ZFPM2: variants seen among roughly 807,000 people sequenced by gnomAD.
ZFPM2 encodes the protein zinc finger protein, FOG family member 2, also known as zinc finger protein ZFPM2.
In ZFPM2, 20 loss-of-function variants were observed where a neutral mutation model predicts 98.6. The observed-to-expected ratio is 0.20, with a 90% CI of 0.14 to 0.29. The LOEUF is 0.29. Among genes scored for constraint, ZFPM2 ranks in the 10% least tolerant of loss-of-function variants. ZFPM2 has a pLI of 1.00. For synonymous variants in ZFPM2, 518 were observed against 502.7 expected (o/e 1.03, Z -0.41); for missense variants, 1,310 against 1,388.6 (o/e 0.94, Z 0.90).
intron 1 of ZFPM2, among the ~76,000 whole-genome samples, chr8:105,385,197 T>C (rs1810962191): frequency 6.6e-6 from 1 of 152,210 alleles, no homozygotes; most frequent in Non-Finnish European, 1.5e-5. Flanking sequence ...GCCTCATGCA[T>C]ATTTTGGAGG....
chr8:105,543,841 C>T (rs763390410), intron 3 of ZFPM2, among the ~76,000 whole-genome samples: 1 of 152,066 alleles, frequency 6.6e-6, no homozygotes, highest in African/African-American at 2.4e-5. Flanking sequence ...TGATACTTTC[C>T]GTCATGAACC....
intron 5 of ZFPM2, among the ~76,000 whole-genome samples, chr8:105,679,599 G>C (rs554343139): frequency 7.6e-4 from 116 of 152,000 alleles, no homozygotes; most frequent in Admixed American, 1.7e-3. Flanking sequence ...ATAAAAGCAA[G>C]TCTGAGCAAC....
rs550319696 is a variant in ZFPM2 at position 105,375,615 on chromosome 8, TGAG to T, written c.41-43528_41-43526del. Among the ~76,000 whole-genome samples, 20 of 152,270 alleles carry T rather than the reference TGAG, an allele frequency of 1.3e-4. 1 individual carries two copies. In the South Asian group the frequency reaches 3.7e-3, roughly 28 times the overall value. On this transcript the variant is annotated intron_variant, in intron 1 of 7. Coordinates refer to ENST00000407775, the MANE Select transcript of ZFPM2 (RefSeq NM_012082.4). ...GCAGATTAGAACTCCCTTCACCAGT[TGAG>T]TAGTGAAGATAGGAGTCTGTAAAGA...
Position 105,436,417 on chromosome 8 carries a change from G to A in ZFPM2, c.200-7863G>A, listed in dbSNP as rs112221517. 3.7e-4 allele frequency among the ~76,000 whole-genome samples: 56 copies of A among 151,682 alleles called. 1 individual carries two copies. The highest frequency in any genetic ancestry group is 1.4e-3 in the African/African-American group (56 of 41,272). On this transcript the variant is annotated intron_variant, in intron 2 of 7. Transcript: ENST00000407775. The stretch of plus-strand genomic sequence containing the variant: ...GCCTGTGGGCCCAGCTACTTGGGAA[G>A]GCTGAAGCAGGAGAATCGCTTGAGG...
At chr8:105,330,577 T>TACAC (rs1563606646) in intron 1 of ZFPM2, among the ~76,000 whole-genome samples, 1 of 101,322 alleles carries the variant, frequency 9.9e-6, no homozygotes, top group African/African-American at 4.4e-5. Flanking sequence ...TACATATATA[T>TACAC]ATACATATAT....
At chr8:105,701,030 G>A (rs2130956839) in intron 5 of ZFPM2, among the ~76,000 whole-genome samples, 1 of 152,158 alleles carries the variant, frequency 6.6e-6, no homozygotes, top group Non-Finnish European at 1.5e-5. Flanking sequence ...TGGTATTTTT[G>A]TTGGGATAAT....
chr8:105,372,796 A>G (rs1810649786), intron 1 of ZFPM2, among the ~76,000 whole-genome samples: 1 of 152,238 alleles, frequency 6.6e-6, no homozygotes, highest in African/African-American at 2.4e-5. Flanking sequence ...TAAGTAGGAA[A>G]GGAAAGCTCT....
intron 5 of ZFPM2, among the ~76,000 whole-genome samples, chr8:105,784,069 GTAATATCCTGTGGTTTGTTTCTAT>G (rs1813340456): frequency 6.6e-6 from 1 of 152,032 alleles, no homozygotes; most frequent in African/African-American, 2.4e-5. Flanking sequence ...AAAGCCAAAT[GTAATATCCTGTGGTTTGTTTCTAT>G]TAAACATAAG....
At chr8:105,797,687 C>T (rs1813874567) in intron 6 of ZFPM2, among the ~76,000 whole-genome samples, 1 of 152,246 alleles carries the variant, frequency 6.6e-6, no homozygotes, top group South Asian at 2.1e-4. Flanking sequence ...CCTGAGCTGC[C>T]CATTTGATCA....
chr8:105,365,372 A>G (rs537389522), intron 1 of ZFPM2, among the ~76,000 whole-genome samples: 1 of 152,234 alleles, frequency 6.6e-6, no homozygotes, highest in East Asian at 1.9e-4. Flanking sequence ...GAACCAGATA[A>G]AACTTCTTCC....
rs184774138 is a variant in ZFPM2 at position 105,714,244 on chromosome 8, A to G, written c.533-74474A>G. Among the ~76,000 whole-genome samples, 4 of 152,134 alleles carry G rather than the reference A, an allele frequency of 2.6e-5. No individual in the cohort carries two copies. In the East Asian group the frequency reaches 5.8e-4, roughly 22 times the overall value. On this transcript the variant is annotated intron_variant, in intron 5 of 7. Coordinates refer to ENST00000407775, the MANE Select transcript of ZFPM2 (RefSeq NM_012082.4). ...GGGTTGCAATTGTAAATAAGATTGC[A>G]TTCTTGATTTGGCTCTCAGCTTGAA...
At chr8:105,684,093 T>G (rs772620007) in intron 5 of ZFPM2, among the ~76,000 whole-genome samples, 1 of 152,166 alleles carries the variant, frequency 6.6e-6, no homozygotes. Context: ...TTGATGCGCT[T>G]ATTCCTCTTA....
chr8:105,413,482 T>TTATATA lies in ZFPM2; in HGVS notation c.41-5641_41-5636dup, dbSNP rs200856542. 5.1e-3 allele frequency among the ~76,000 whole-genome samples: 718 copies of TTATATA among 139,976 alleles called. 9 individuals are homozygous for TTATATA. The highest frequency in any genetic ancestry group is 0.016 in the African/African-American group (602 of 38,002). 91.8% of individuals were successfully genotyped at this position (139,976 alleles called of 152,430 possible). Reference sequence around the variant, plus strand: ...CGATTATGATGTCACAATTCAAACATTATATATATATATATATATATATAT... The same window carrying TTATATA: ...CGATTATGATGTCACAATTCAAACATTATATATATATATATATATATATATATATAT... On this transcript the variant is annotated intron_variant, in intron 1 of 7. Coordinates refer to ENST00000407775, the MANE Select transcript of ZFPM2 (RefSeq NM_012082.4).
chr8:105,435,825 A>G (rs1812108551), intron 2 of ZFPM2, among the ~76,000 whole-genome samples: 1 of 152,214 alleles, frequency 6.6e-6, no homozygotes, highest in South Asian at 2.1e-4. Flanking sequence ...TCCTAAAAGT[A>G]ATTCGAAGAT....
chr8:105,674,870 G>T (rs1817659484), intron 5 of ZFPM2, among the ~76,000 whole-genome samples: 1 of 152,132 alleles, frequency 6.6e-6, no homozygotes, highest in African/African-American at 2.4e-5. Context: ...TGGAGCCAGA[G>T]ACCATGGTTC....
Position 105,353,439 on chromosome 8 carries a change from TTTG to T in ZFPM2, c.40+34473_40+34475del, listed in dbSNP as rs747041243. ...TAAGAACACTACACAGGCAAGGATT[TTTG>T]TTGTTGTTGTTGTTAGATGTTTTAA... On this transcript the variant is annotated intron_variant, in intron 1 of 7. Coordinates refer to ENST00000407775, the MANE Select transcript of ZFPM2 (RefSeq NM_012082.4). Among the ~76,000 whole-genome samples the T allele has an allele frequency of 5.3e-4, 80 of 152,286 alleles. 1 individual carries two copies. The highest frequency in any genetic ancestry group is 8.7e-4 in the African/African-American group (36 of 41,562).
chr8:105,360,223 A>T (rs1812830414), intron 1 of ZFPM2, among the ~76,000 whole-genome samples: 1 of 152,206 alleles, frequency 6.6e-6, no homozygotes, highest in Non-Finnish European at 1.5e-5. Context: ...GATAGATGCT[A>T]AAAAATAAGG....
intron 3 of ZFPM2, among the ~76,000 whole-genome samples, chr8:105,494,909 A>C (rs1442485095): frequency 1.3e-5 from 2 of 152,228 alleles, no homozygotes; most frequent in Non-Finnish European, 2.9e-5. Flanking sequence ...ATGTCCACAA[A>C]ATTTTTATTG....
intron 6 of ZFPM2, chr8:105,796,771 A>C (rs546903056): frequency 2.6e-5 from 4 of 152,284 alleles, no homozygotes; most frequent in Non-Finnish European, 5.9e-5. Context: ...TCTTACAGAA[A>C]TATCAGATTC....
Sources: gnomAD v4.1 joint callset for allele counts (sites outside exome capture counted in the v4.1 genomes callset) on GRCh38, gnomAD v4.1.1 for gene constraint, MANE v1.5 for transcripts, NCBI Gene and HGNC (gene_info 2026-07-23, HGNC 2026-07-21) for gene names.